Variants in SGCZ observed in about 807,000 individuals in gnomAD.
SGCZ encodes zeta-sarcoglycan.
SGCZ carries 40 observed loss-of-function variants against 41.3 expected under a neutral mutation model. The ratio of observed to expected loss-of-function variants is 0.97; its 90% confidence interval spans 0.75 to 1.26. The LOEUF (loss-of-function observed/expected upper bound fraction) is 1.26, where lower values mean the gene tolerates loss of function less well. SGCZ is among the 50% of genes most tolerant of loss of function. The pLI, the probability that SGCZ is intolerant of heterozygous loss-of-function variation, is 0.00. For synonymous variants in SGCZ, 206 were observed against 137.5 expected (o/e 1.50, Z -3.49); for missense variants, 552 against 369.8 (o/e 1.49, Z -4.04).
At chr8:14,879,365 C>G (rs542913720) in intron 1 of SGCZ, 1 of 151,734 alleles carries the variant, frequency 6.6e-6, no homozygotes, top group Admixed American at 6.6e-5. Context: ...TAAAAAAAGA[C>G]CAGAAAAACA....
chr8:14,828,176 A>T (rs1177010421), intron 1 of SGCZ, among the ~76,000 whole-genome samples: 1 of 152,220 alleles, frequency 6.6e-6, no homozygotes, highest in Non-Finnish European at 1.5e-5. Context: ...GAATCTTTAC[A>T]AAAAGTTTAT....
intron 1 of SGCZ, among the ~76,000 whole-genome samples, chr8:14,574,621 A>AT (rs1358228435): frequency 6.6e-6 from 1 of 152,144 alleles, no homozygotes; most frequent in Admixed American, 6.5e-5. Flanking sequence ...TTCCTCCTTT[A>AT]TTGAACCTAA....
chr8:14,288,800 G>A (rs1206899878), intron 3 of SGCZ, among the ~76,000 whole-genome samples: 1 of 152,098 alleles, frequency 6.6e-6, no homozygotes, highest in Non-Finnish European at 1.5e-5. Context: ...GTAAAGTTAG[G>A]AGTAGAATTG....
At chr8:14,329,546 C>T (rs1228811521) in intron 2 of SGCZ, among the ~76,000 whole-genome samples, 1 of 152,146 alleles carries the variant, frequency 6.6e-6, no homozygotes, top group East Asian at 1.9e-4. Flanking sequence ...GAGATTGCCA[C>T]CTAACCACTG....
chr8:15,197,497 C>T lies in SGCZ; in HGVS notation c.39+40088G>A, dbSNP rs546506333. Among the ~76,000 whole-genome samples, 335 of 152,190 alleles carry T rather than the reference C, an allele frequency of 2.2e-3. 6 individuals are homozygous for T. Among genetic ancestry groups the T allele is most frequent in the Admixed American group, 4.3e-3 (66 of 15,294 alleles). On this transcript the variant is annotated intron_variant, in intron 1 of 7. Transcript: ENST00000382080. ...GTGGTGTAGGAAGCACTGGTATCTTCGCAGATAGAATTCTCAGTTGCAAAT... is the reference window on the plus strand; with the variant it reads ...GTGGTGTAGGAAGCACTGGTATCTTTGCAGATAGAATTCTCAGTTGCAAAT...
chr8:14,966,929 G>T (rs1052906794), intron 1 of SGCZ, among the ~76,000 whole-genome samples: 1 of 151,848 alleles, frequency 6.6e-6, no homozygotes, highest in Non-Finnish European at 1.5e-5. Flanking sequence ...GGGAGGGGAG[G>T]TACAGAAAAA....
At chr8:14,940,400 T>G (rs1209829489) in intron 1 of SGCZ, among the ~76,000 whole-genome samples, 3 of 152,138 alleles carry the variant, frequency 2.0e-5, no homozygotes, top group Admixed American at 6.6e-5. Flanking sequence ...TTATATAAGT[T>G]TATTGATTAG....
chr8:14,753,550 A>C (rs1264545281), intron 1 of SGCZ, among the ~76,000 whole-genome samples: 2 of 152,194 alleles, frequency 1.3e-5, no homozygotes, highest in Non-Finnish European at 2.9e-5. Context: ...TCCTTTGTGC[A>C]ATTCCCCTTT....
chr8:14,730,203 T>G (rs1810189948), intron 1 of SGCZ, among the ~76,000 whole-genome samples: 1 of 152,156 alleles, frequency 6.6e-6, no homozygotes, highest in Non-Finnish European at 1.5e-5. Flanking sequence ...TTTTCTGGAG[T>G]GCCGCACGAA....
intron 1 of SGCZ, among the ~76,000 whole-genome samples, chr8:14,878,338 C>T (rs974917163): frequency 2.6e-5 from 4 of 151,588 alleles, no homozygotes; most frequent in Admixed American, 2.6e-4. Context: ...AACTTTCCCA[C>T]ATTTTGCAGA....
intron 2 of SGCZ, 74 bp downstream of exon 2, chr8:14,554,658 A>T: frequency 8.1e-7 from 1 of 1,237,176 alleles, no homozygotes; most frequent in East Asian, 2.5e-5. Flanking sequence ...ACTTTTGATT[A>T]AAAAATTAAA....
At chr8:14,773,662 T>TG (rs1463746639) in intron 1 of SGCZ, among the ~76,000 whole-genome samples, 1 of 152,206 alleles carries the variant, frequency 6.6e-6, no homozygotes, top group African/African-American at 2.4e-5. Flanking sequence ...AACACTGCAA[T>TG]GCATTCTTTT....
intron 2 of SGCZ, among the ~76,000 whole-genome samples, chr8:14,539,284 T>C (rs902329321): frequency 6.6e-6 from 1 of 151,950 alleles, no homozygotes; most frequent in Admixed American, 6.6e-5. Flanking sequence ...TTCTGTAACA[T>C]CTCTCCTTGT....
intron 1 of SGCZ, among the ~76,000 whole-genome samples, chr8:14,736,005 A>C (rs1799018470): frequency 1.3e-5 from 2 of 152,096 alleles, no homozygotes; most frequent in African/African-American, 2.4e-5. Context: ...TGGAGATTGT[A>C]AGCAGGCTGA....
intron 1 of SGCZ, among the ~76,000 whole-genome samples, chr8:14,983,339 T>G (rs541772980): frequency 2.2e-4 from 34 of 151,988 alleles, no homozygotes; most frequent in African/African-American, 8.0e-4. Flanking sequence ...CTACGGCAAT[T>G]GGCACACACC....
chr8:15,037,694 G>C (rs1359360104), intron 1 of SGCZ, among the ~76,000 whole-genome samples: 4 of 152,148 alleles, frequency 2.6e-5, no homozygotes, highest in African/African-American at 9.7e-5. Context: ...GTCCCTGTTT[G>C]AAGAGATGAC....
At chr8:15,231,092 T>A (rs117030194) in intron 1 of SGCZ, among the ~76,000 whole-genome samples, 2,465 of 152,310 alleles carry the variant, frequency 0.016, 28 homozygotes, top group Middle Eastern at 0.031. Context: ...GTACTTTGCA[T>A]GCTTCTGAAT....
At chr8:14,758,186 T>C (rs1482603072) in intron 1 of SGCZ, among the ~76,000 whole-genome samples, 3 of 152,202 alleles carry the variant, frequency 2.0e-5, no homozygotes, top group Non-Finnish European at 4.4e-5. Flanking sequence ...CAGAAACATA[T>C]GCAATCTCAT....
rs535985738 is a variant in SGCZ, at chr8:14,452,269, G to A, written c.234+102463C>T. 2.7e-4 allele frequency among the ~76,000 whole-genome samples: 41 copies of A among 152,142 alleles called. No individual in the cohort carries two copies. The South Asian group carries it at 8.5e-3, about 32-fold the overall frequency. Reference sequence around the variant, plus strand: ...ACATTCTGGGAAAAGCAAAACTATGGAAAAAGTAAGATTAGTCACTGTCGG... The same window carrying A: ...ACATTCTGGGAAAAGCAAAACTATGAAAAAAGTAAGATTAGTCACTGTCGG... On this transcript the variant is annotated intron_variant, in intron 2 of 7. Coordinates refer to ENST00000382080, the MANE Select transcript of SGCZ (RefSeq NM_139167.4).
Sources: allele counts gnomAD v4.1 joint callset (sites outside exome capture counted in the v4.1 genomes callset), GRCh38; gene constraint gnomAD v4.1.1; transcripts MANE v1.5; gene names NCBI Gene and HGNC (gene_info 2026-07-23, HGNC 2026-07-21).